The following SHC4 variants were observed in gnomAD, a reference collection of about 807,000 sequenced individuals.
SHC4 encodes SHC-transforming protein 4.
A neutral mutation model predicts 69.4 loss-of-function variants in SHC4; 41 were observed. The ratio of observed to expected loss-of-function variants is 0.59; its 90% CI spans 0.46 to 0.77. The LOEUF is 0.77. SHC4 is among the 30% of genes least tolerant of loss of function. The probability of loss-of-function intolerance (pLI) is 0.00; values close to 1 mark genes in which losing one functional copy is unlikely to be tolerated. For missense variants in SHC4, 777 were observed against 783.8 expected, an observed-to-expected ratio of 0.99 and a Z score of 0.10; for synonymous variants, 318 against 299.3, an observed-to-expected ratio of 1.06 and a Z score of -0.64.
chr15:48,881,136 T>G (rs1203561921), intron 4 of SHC4, among the ~76,000 whole-genome samples: 2 of 151,890 alleles, frequency 1.3e-5, no homozygotes. Flanking sequence ...TTTTCCAAAT[T>G]TATCCATACA....
intron 6 of SHC4, among the ~76,000 whole-genome samples, chr15:48,862,041 C>T (rs1192732887): frequency 6.6e-6 from 1 of 152,094 alleles, no homozygotes; most frequent in Non-Finnish European, 1.5e-5. Context: ...AGCAGGGAGT[C>T]CTCCATACTT....
intron 2 of SHC4, among the ~76,000 whole-genome samples, chr15:48,903,903 C>G (rs1900359699): frequency 6.6e-6 from 1 of 152,106 alleles, no homozygotes; most frequent in Non-Finnish European, 1.5e-5. Flanking sequence ...GTAGTGGGGA[C>G]TACAGGTGCA....
chr15:48,823,922 A>G lies in SHC4; in HGVS notation c.*2049T>C, dbSNP rs951977442. 1 of 152,174 alleles carries G rather than the reference A, an allele frequency of 6.6e-6. No individual in the cohort carries two copies. The highest frequency in any genetic ancestry group is 1.9e-4 in the East Asian group (1 of 5,206). The allele number at this position is 152,174 out of a possible 1,614,324, so 9.4% of individuals were successfully genotyped here. On this transcript the variant is annotated 3_prime_UTR_variant, in exon 12 of 12. Transcript: ENST00000332408. ...TTTTTAAGTGCTGTATTTAACTACT[A>G]TACTATTACAGTCAAATACTGATTA...
At chr15:48,844,390 C>G (rs546954013) in intron 9 of SHC4, among the ~76,000 whole-genome samples, 2 of 152,310 alleles carry the variant, frequency 1.3e-5, no homozygotes, top group South Asian at 4.1e-4. Flanking sequence ...GTCTACCCAG[C>G]TACCCTTCTT....
chr15:48,839,064 G>A (rs905141260), intron 10 of SHC4, among the ~76,000 whole-genome samples: 1 of 151,880 alleles, frequency 6.6e-6, no homozygotes, highest in Non-Finnish European at 1.5e-5. Context: ...ACCAAAACTT[G>A]GGCACATTGG....
At chr15:48,834,004 T>C (rs2140966702) in intron 11 of SHC4, among the ~76,000 whole-genome samples, 1 of 152,332 alleles carries the variant, frequency 6.6e-6, no homozygotes, top group East Asian at 1.9e-4. Context: ...CTTCCTATTC[T>C]GCCATCTTGC....
chr15:48,877,936 G>A (rs920940413), intron 4 of SHC4: 1 of 465,352 alleles, frequency 2.1e-6, no homozygotes, highest in Non-Finnish European at 3.8e-6. Flanking sequence ...TTGCATGCAG[G>A]GTCCCTAGAT....
At position 48,864,489 on chromosome 15, in the gene SHC4, C is replaced by T. The variant is rs1359574070; in HGVS notation, c.946+3329G>A. 3.5e-5 allele frequency among the ~76,000 whole-genome samples: 5 copies of T among 141,810 alleles called. No homozygotes were observed. In the East Asian group the frequency reaches 8.3e-4, roughly 24 times the overall value. The allele number at this position is 141,810 out of a possible 152,430, so 93.0% of individuals were successfully genotyped here. ...TTGAGACAGAGTCTTGCTCTGTCGC[C>T]CAGGCTGGAGTGCAGTGGCGTGATC... On this transcript the variant is annotated intron_variant, in intron 6 of 11. Transcript: ENST00000332408.
At chr15:48,943,029 A>G (rs961119319) in intron 1 of SHC4, among the ~76,000 whole-genome samples, 1 of 152,224 alleles carries the variant, frequency 6.6e-6, no homozygotes, top group Non-Finnish European at 1.5e-5. Flanking sequence ...TATCCTCCAG[A>G]AAGTCTCACT....
At chr15:48,878,447 G>T (rs1328498455) in intron 4 of SHC4, 1 of 1,612,862 alleles carries the variant, frequency 6.2e-7, no homozygotes, top group South Asian at 1.1e-5. Flanking sequence ...GGTGGCGGGC[G>T]CAGACTTCGA....
chr15:48,897,508 C>CCA (rs57034071), intron 2 of SHC4, among the ~76,000 whole-genome samples: 4,146 of 142,920 alleles, frequency 0.029, 174 homozygotes, highest in African/African-American at 0.091. Flanking sequence ...AGCAATGTCG[C>CCA]CACACACACA....
chr15:48,846,548 T>C (rs1899096256), intron 9 of SHC4, among the ~76,000 whole-genome samples: 1 of 152,186 alleles, frequency 6.6e-6, no homozygotes, highest in Non-Finnish European at 1.5e-5. Context: ...AGCCTTCCCC[T>C]GAATCCTTCC....
intron 2 of SHC4, among the ~76,000 whole-genome samples, chr15:48,917,658 A>T (rs1212885186): frequency 6.6e-6 from 1 of 152,174 alleles, no homozygotes; most frequent in Non-Finnish European, 1.5e-5. Flanking sequence ...AGTAAAAGCC[A>T]TTCAAGTGGC....
rs375320488 is a variant in SHC4 at position 48,855,084 on chromosome 15, T to C, written c.1242+869A>G. On this transcript the variant is annotated intron_variant, in intron 8 of 11. Coordinates refer to ENST00000332408, the MANE Select transcript of SHC4 (RefSeq NM_203349.4). ...TTTAAAAACTAGCTACCAGGTGCTA[T>C]GCTGATTACCTGGGTGACAAAATTA... is the stretch of plus-strand genomic sequence containing the variant. 5.3e-5 allele frequency among the ~76,000 whole-genome samples: 8 copies of C among 152,228 alleles called. No individual in the cohort carries two copies. The East Asian group carries it at 9.7e-4, about 18-fold the overall frequency.
intron 6 of SHC4, among the ~76,000 whole-genome samples, chr15:48,864,698 C>T (rs971643062): frequency 3.9e-5 from 6 of 152,070 alleles, no homozygotes; most frequent in South Asian, 2.1e-4. Flanking sequence ...CTGCCCGCCT[C>T]GGCCTCCCAC....
At chr15:48,888,434 T>C (rs1231207149) in intron 3 of SHC4, among the ~76,000 whole-genome samples, 2 of 151,998 alleles carry the variant, frequency 1.3e-5, no homozygotes. Flanking sequence ...AGACAGAAAG[T>C]AGAATTTTGG....
chr15:48,941,158 A>G (rs1901168399), intron 1 of SHC4, among the ~76,000 whole-genome samples: 1 of 152,238 alleles, frequency 6.6e-6, no homozygotes. Flanking sequence ...TACTAAAGAC[A>G]CAAAAGTCAG....
In SHC4 at chr15:48,825,868, A is replaced by G. The variant is rs1898678284; in HGVS notation, c.*103T>C. The G allele has an allele frequency of 7.2e-7, 1 of 1,379,394 alleles. No individual in the cohort carries two copies. Among genetic ancestry groups the G allele is most frequent in the Admixed American group, 2.3e-5 (1 of 42,954 alleles). The allele number at this position is 1,379,394 out of a possible 1,614,324, so 85.4% of individuals were successfully genotyped here. On this transcript the variant is annotated 3_prime_UTR_variant, in exon 12 of 12. Transcript: ENST00000332408. ...ATGGTCTTGGAAAGATGCACTTCAC[A>G]GTTTGTGCTCTATTTTATCTACAAA...
chr15:48,869,365 T>C lies in SHC4; in HGVS notation c.895-1496A>G, dbSNP rs117680247. ...TATTTTTGAAATTTTGGAGGAAATC[T>C]TGTAGAAAGATTACTATGTTGGACC... is the stretch of plus-strand genomic sequence containing the variant. On this transcript the variant is annotated intron_variant, in intron 5 of 11. Transcript: ENST00000332408. 8.8e-3 allele frequency among the ~76,000 whole-genome samples: 1,338 copies of C among 152,304 alleles called. 26 individuals carry two copies. Among genetic ancestry groups the C allele is most frequent in the East Asian group, 0.068 (354 of 5,192 alleles).
Sources: gnomAD v4.1 joint callset for allele counts (sites outside exome capture counted in the v4.1 genomes callset) on GRCh38, gnomAD v4.1.1 for gene constraint, MANE v1.5 for transcripts, NCBI Gene and HGNC (gene_info 2026-07-23, HGNC 2026-07-21) for gene names.